Variants in FGGY observed in about 807,000 individuals in gnomAD.
FGGY encodes FGGY carbohydrate kinase domain-containing protein.
Under a neutral mutation model 71.3 loss-of-function variants are expected in FGGY, and 72 were observed. The ratio of observed to expected loss-of-function variants is 1.01; its 90% CI spans 0.84 to 1.23. The LOEUF (loss-of-function observed/expected upper bound fraction) is 1.23, where lower values mean the gene tolerates loss of function less well. FGGY is among the 50% of genes most tolerant of loss of function. The probability of loss-of-function intolerance (pLI) is 0.00; values close to 1 mark genes in which losing one functional copy is unlikely to be tolerated. For synonymous variants in FGGY, 251 were observed against 250.3 expected (o/e 1.00, Z -0.02); for missense variants, 668 against 682.3 (o/e 0.98, Z 0.23).
At chr1:59,602,336 A>G (rs960900021) in intron 8 of FGGY, among the ~76,000 whole-genome samples, 15 of 152,190 alleles carry the variant, frequency 9.9e-5, no homozygotes, top group African/African-American at 3.6e-4. Flanking sequence ...GTTAAATGTG[A>G]TAATATATGT....
intron 14 of FGGY, among the ~76,000 whole-genome samples, chr1:59,754,224 C>G (rs1427223412): frequency 4.6e-5 from 7 of 152,226 alleles, no homozygotes; most frequent in Non-Finnish European, 8.8e-5. Context: ...TAGGTGTTTA[C>G]AGCTAGCTCT....
chr1:59,700,230 T>C (rs1241695326), intron 14 of FGGY, among the ~76,000 whole-genome samples: 1 of 152,166 alleles, frequency 6.6e-6, no homozygotes, highest in African/African-American at 2.4e-5. Context: ...AAAAAGCAAA[T>C]ACAGTGCACA....
chr1:59,426,779 T>C (rs1257281580), intron 5 of FGGY, among the ~76,000 whole-genome samples: 1 of 152,148 alleles, frequency 6.6e-6, no homozygotes, highest in African/African-American at 2.4e-5. Context: ...AGAACCTTAG[T>C]TGGTTGCAGT....
intron 8 of FGGY, among the ~76,000 whole-genome samples, chr1:59,584,847 A>G (rs1298409062): frequency 6.7e-6 from 1 of 150,124 alleles, no homozygotes; most frequent in Non-Finnish European, 1.5e-5. Context: ...TCAATGTGCA[A>G]AAATCACAAG....
chr1:59,601,219 C>T (rs2096574681), intron 8 of FGGY, among the ~76,000 whole-genome samples: 1 of 152,156 alleles, frequency 6.6e-6, no homozygotes, highest in South Asian at 2.1e-4. Context: ...TGGAGCCTGC[C>T]TTTTGCCCCT....
chr1:59,429,596 A>T (rs1281800009), intron 5 of FGGY, among the ~76,000 whole-genome samples: 1 of 152,218 alleles, frequency 6.6e-6, no homozygotes, highest in Non-Finnish European at 1.5e-5. Flanking sequence ...CAACACATGT[A>T]CAACTCTTAA....
chr1:59,363,475 T>C (rs1000840288), intron 4 of FGGY, among the ~76,000 whole-genome samples: 21 of 152,336 alleles, frequency 1.4e-4, no homozygotes, highest in African/African-American at 4.3e-4. Context: ...ATTATTGTCC[T>C]CAGTAATTTT....
chr1:59,361,574 C>T (rs1301440245), intron 4 of FGGY, among the ~76,000 whole-genome samples: 6 of 152,172 alleles, frequency 3.9e-5, no homozygotes, highest in South Asian at 2.1e-4. Context: ...TCTGTGAATC[C>T]GTCAAAAGTT....
chr1:59,582,976 G>A (rs2096222321), intron 8 of FGGY, among the ~76,000 whole-genome samples: 1 of 144,686 alleles, frequency 6.9e-6, no homozygotes, highest in Admixed American at 6.8e-5. Flanking sequence ...TTACCATTTT[G>A]TAATGCCACA....
At chr1:59,420,954 T>C (rs2065302685) in intron 5 of FGGY, among the ~76,000 whole-genome samples, 1 of 152,046 alleles carries the variant, frequency 6.6e-6, no homozygotes, top group Admixed American at 6.6e-5. Context: ...CTGATAATGC[T>C]TTACACTTAC....
chr1:59,724,017 G>C (rs1244955642), intron 14 of FGGY, among the ~76,000 whole-genome samples: 1 of 151,530 alleles, frequency 6.6e-6, no homozygotes, highest in African/African-American at 2.4e-5. Flanking sequence ...GCAAAAATTA[G>C]CCAGGCATGG....
chr1:59,406,603 ATGAAACAGGGT>A (rs2062796494), intron 5 of FGGY, among the ~76,000 whole-genome samples: 1 of 152,186 alleles, frequency 6.6e-6, no homozygotes, highest in Non-Finnish European at 1.5e-5. Flanking sequence ...AAGAATACAC[ATGAAACAGGGT>A]TGCGTATTGA....
At chr1:59,535,591 T>C (rs1486307172) in intron 7 of FGGY, among the ~76,000 whole-genome samples, 1 of 151,866 alleles carries the variant, frequency 6.6e-6, no homozygotes, top group African/African-American at 2.4e-5. Context: ...AGCAAAGCTC[T>C]CCTCAGCAAA....
intron 7 of FGGY, among the ~76,000 whole-genome samples, chr1:59,523,589 C>A (rs559811687): frequency 2.6e-5 from 4 of 152,146 alleles, no homozygotes; most frequent in Middle Eastern, 3.2e-3. Flanking sequence ...GTATAGATAT[C>A]TGGGGAAACT....
Position 59,757,984 on chromosome 1 carries a change from G to A in FGGY, c.1566G>A (p.Gln522=), listed in dbSNP as rs1290500639. Residue 522 remains glutamine, a synonymous_variant, in exon 15 of 16, where the codon CAG becomes CAA. Transcript: ENST00000303721. ...GGAAAGTTGTGTTCCCGAGACTACA[G>A]GATAAAAAGTAAGTGTGTATTTTTT... The part of the protein sequence containing the change: ...KVGKVVFPRL[Q]DKKYYDKKYQ... 6.2e-7 allele frequency: 1 copy of A among 1,612,100 alleles called. No homozygotes were observed. Among genetic ancestry groups the A allele is most frequent in the East Asian group, 2.2e-5 (1 of 44,844 alleles).
intron 6 of FGGY, among the ~76,000 whole-genome samples, chr1:59,493,461 G>T (rs1167461253): frequency 1.3e-5 from 2 of 152,134 alleles, no homozygotes; most frequent in Non-Finnish European, 2.9e-5. Context: ...GCATTAAAAA[G>T]GGAGGGAATT....
At chr1:59,496,397 G>A (rs771759525) in intron 6 of FGGY, among the ~76,000 whole-genome samples, 2 of 152,126 alleles carry the variant, frequency 1.3e-5, no homozygotes, top group Non-Finnish European at 2.9e-5. Flanking sequence ...GGAGCTGGAG[G>A]CCATTATCCT....
chr1:59,699,388 C>T (rs2097691278), intron 14 of FGGY: 14 of 985,262 alleles, frequency 1.4e-5, no homozygotes, highest in Non-Finnish European at 1.7e-5. Context: ...TGTACTTTTT[C>T]TTTTTGACGG....
chr1:59,310,431 A>G (rs558987917), intron 1 of FGGY, among the ~76,000 whole-genome samples: 62 of 152,348 alleles, frequency 4.1e-4, no homozygotes, highest in African/African-American at 1.4e-3. Flanking sequence ...GGAGGAGTCT[A>G]TGTAAGAACA....
Sources: gnomAD v4.1 joint callset for allele counts (sites outside exome capture counted in the v4.1 genomes callset) on GRCh38, gnomAD v4.1.1 for gene constraint, MANE v1.5 for transcripts, NCBI Gene and HGNC (gene_info 2026-07-23, HGNC 2026-07-21) for gene names.